RIMBP2: variants seen among roughly 807,000 people sequenced by gnomAD.
RIMBP2 encodes RIMS-binding protein 2.
RIMBP2 carries 48 observed loss-of-function variants against 118.6 expected under a neutral mutation model. The observed-to-expected ratio is 0.40, with a 90% CI of 0.32 to 0.51. The LOEUF is 0.51. Among genes scored for constraint, RIMBP2 ranks in the 20% least tolerant of loss-of-function variants. The pLI is 0.41. For synonymous variants in RIMBP2, 762 were observed against 742.9 expected (o/e 1.03, Z -0.42); for missense variants, 1,551 against 1,768.3 (o/e 0.88, Z 2.20).
At chr12:130,659,858 C>T (rs1288680436) in intron 1 of RIMBP2, among the ~76,000 whole-genome samples, 2 of 151,458 alleles carry the variant, frequency 1.3e-5, no homozygotes, top group South Asian at 2.1e-4. Context: ...CCTGTAATTC[C>T]AGCTACTTGG....
chr12:130,440,140 C>A (rs1398480860), intron 11 of RIMBP2, among the ~76,000 whole-genome samples: 2 of 115,296 alleles, frequency 1.7e-5, no homozygotes, highest in Non-Finnish European at 3.6e-5. Context: ...GCACCACCGT[C>A]CCCGGGCATG....
chr12:130,424,278 G>A lies in RIMBP2; in HGVS notation c.2993C>T (p.Pro998Leu), dbSNP rs1392775385. Reference protein sequence around the residue: ...DPQPGPERPPPRKHGWGEPTE... With the variant: ...DPQPGPERPPLRKHGWGEPTE... ...GGGCTCGCCCCAGCCGTGCTTCCTG[G>A]GGGGCGGCCTCTCCGGGCCGGGCTG... Residue 998 changes from proline to leucine, a missense_variant, in exon 16 of 23, where the codon CCC becomes CTC. Coordinates refer to ENST00000690449, the MANE Select transcript of RIMBP2 (RefSeq NM_001393629.1). The surrounding 1 kb of genome is among the most constrained non-coding windows in gnomAD (Gnocchi z 9.8). 43 of 1,231,734 alleles carry A rather than the reference G, an allele frequency of 3.5e-5. No individual in the cohort carries two copies. Among genetic ancestry groups the A allele is most frequent in the Non-Finnish European group, 4.2e-5 (41 of 987,898 alleles). The allele number at this position is 1,231,734 out of a possible 1,614,324, so 76.3% of individuals were successfully genotyped here.
intron 4 of RIMBP2, among the ~76,000 whole-genome samples, chr12:130,483,872 T>A (rs1291998974): frequency 6.7e-6 from 1 of 148,450 alleles, no homozygotes; most frequent in Non-Finnish European, 1.5e-5. Flanking sequence ...CACCCTCACC[T>A]ACACACAGTG....
chr12:130,407,733 T>G lies in RIMBP2; in HGVS notation c.3686A>C (p.Asp1229Ala). The change falls in exon 20 of 23, where the codon GAT becomes GCT. Residue 1229 changes from aspartate (D) to alanine (A), a missense_variant. This residue lies in a region of RIMBP2 where 1,038 missense variants were observed against 1,125.1 expected (regional missense o/e 0.92). Transcript: ENST00000690449. Reference protein sequence around the residue: ...YDPRESSPNVDVEAELTFCTG... With the variant: ...YDPRESSPNVAVEAELTFCTG... Reference sequence around the variant, plus strand: ...GCAGTGTTTGGCTGGTACCTCGACATCGACGTTGGGCGAGCTTTCTCTGGG... The same window carrying G: ...GCAGTGTTTGGCTGGTACCTCGACAGCGACGTTGGGCGAGCTTTCTCTGGG... The G allele has an allele frequency of 6.2e-7, 1 of 1,613,686 alleles. No homozygotes were observed. Among genetic ancestry groups the G allele is most frequent in the South Asian group, 1.1e-5 (1 of 91,058 alleles).
Position 130,456,291 on chromosome 12 carries a change from C to T in RIMBP2, c.358+205G>A, listed in dbSNP as rs150596329. Among the ~76,000 whole-genome samples the T allele has an allele frequency of 3.6e-3, 545 of 152,300 alleles. 5 individuals are homozygous for T. The highest frequency in any genetic ancestry group is 0.012 in the African/African-American group (499 of 41,572). Reference sequence around the variant, plus strand: ...CAGGTGAGAAAATGTGTGGGTCCCACATTTGTGGATGCCCGTGAGGTGCTG... The same window carrying T: ...CAGGTGAGAAAATGTGTGGGTCCCATATTTGTGGATGCCCGTGAGGTGCTG... On this transcript the variant is annotated intron_variant, in intron 7 of 22. Transcript: ENST00000690449.
chr12:130,632,148 C>A (rs2062030909), intron 1 of RIMBP2, among the ~76,000 whole-genome samples: 1 of 152,202 alleles, frequency 6.6e-6, no homozygotes, highest in Non-Finnish European at 1.5e-5. Flanking sequence ...CGTTTCTAAC[C>A]AGATCAGATG....
intron 4 of RIMBP2, among the ~76,000 whole-genome samples, chr12:130,484,692 GC>G (rs2082333520): frequency 6.6e-6 from 1 of 152,204 alleles, no homozygotes; most frequent in Non-Finnish European, 1.5e-5. Flanking sequence ...AGCCACATGG[GC>G]CTCCTCCCAG....
intron 1 of RIMBP2, among the ~76,000 whole-genome samples, chr12:130,642,233 C>T (rs1008260818): frequency 6.6e-6 from 1 of 152,164 alleles, no homozygotes; most frequent in African/African-American, 2.4e-5. Context: ...CCCCACACTC[C>T]AGGGAGAGGC....
chr12:130,708,625 G>T (rs573186588), intron 1 of RIMBP2, among the ~76,000 whole-genome samples: 2 of 152,290 alleles, frequency 1.3e-5, no homozygotes, highest in Middle Eastern at 3.4e-3. Context: ...GGTCGAGGCT[G>T]CAGTGAACCG....
At chr12:130,501,390 T>C (rs1165299648) in intron 4 of RIMBP2, among the ~76,000 whole-genome samples, 2 of 152,180 alleles carry the variant, frequency 1.3e-5, no homozygotes, top group Non-Finnish European at 2.9e-5. Context: ...GATTGAAAAC[T>C]ATGCCACAGT....
intron 15 of RIMBP2, chr12:130,427,873 GA>G (rs2076897030): frequency 1.5e-5 from 4 of 263,304 alleles, no homozygotes; most frequent in Non-Finnish European, 2.8e-5. Flanking sequence ...TAAGGCTGTG[GA>G]GGGGGTTCTT....
chr12:130,619,501 T>C (rs2061166763), intron 2 of RIMBP2, among the ~76,000 whole-genome samples: 1 of 152,234 alleles, frequency 6.6e-6, no homozygotes, highest in South Asian at 2.1e-4. Context: ...AGATGCTGCA[T>C]GTGAGTCACC....
intron 1 of RIMBP2, among the ~76,000 whole-genome samples, chr12:130,667,060 GGAAGAAGGGAGGGAGGAAA>G (rs2063961528): frequency 1.5e-5 from 1 of 66,496 alleles, no homozygotes; most frequent in Non-Finnish European, 3.6e-5. Context: ...AGGGAGAAAA[GGAAGAAGGGAGGGAGGAAA>G]AAATGAGGGA....
chr12:130,424,915 G>C lies in RIMBP2; in HGVS notation c.2413-57C>G. On this transcript the variant is annotated intron_variant, in intron 15 of 22. Coordinates refer to ENST00000690449, the MANE Select transcript of RIMBP2 (RefSeq NM_001393629.1). The surrounding 1 kb of genome is among the most constrained non-coding windows in gnomAD (Gnocchi z 9.8). ...GGAAAGAGTGTGTGGTCAGCATGAAGTGGGGGCCAGGGGAGGAAAGAAAAT... is the reference window on the plus strand; with the variant it reads ...GGAAAGAGTGTGTGGTCAGCATGAACTGGGGGCCAGGGGAGGAAAGAAAAT... 1 of 1,052,628 alleles carries C rather than the reference G, an allele frequency of 9.5e-7. No individual in the cohort carries two copies. The highest frequency in any genetic ancestry group is 1.2e-6 in the Non-Finnish European group (1 of 824,360). The allele number at this position is 1,052,628 out of a possible 1,614,324, so 65.2% of individuals were successfully genotyped here.
At chr12:130,673,089 A>C (rs1470369694) in intron 1 of RIMBP2, among the ~76,000 whole-genome samples, 1 of 152,222 alleles carries the variant, frequency 6.6e-6, no homozygotes, top group Non-Finnish European at 1.5e-5. Context: ...TCGAGGATGG[A>C]AGAATCACCA....
At chr12:130,639,487 C>CAAAAAAA (rs138670754) in intron 1 of RIMBP2, among the ~76,000 whole-genome samples, 12 of 88,060 alleles carry the variant, frequency 1.4e-4, no homozygotes, top group African/African-American at 4.4e-4. Flanking sequence ...GATCCTGCCT[C>CAAAAAAA]AAAAAAAAAA....
At chr12:130,502,406 C>G (rs1230041561) in intron 4 of RIMBP2, among the ~76,000 whole-genome samples, 1 of 152,076 alleles carries the variant, frequency 6.6e-6, no homozygotes, top group Non-Finnish European at 1.5e-5. Context: ...TATTCCCAAT[C>G]CGGGTTTCAT....
chr12:130,590,676 T>C (rs2059199980), intron 2 of RIMBP2, among the ~76,000 whole-genome samples: 2 of 152,310 alleles, frequency 1.3e-5, no homozygotes, highest in East Asian at 1.9e-4. Flanking sequence ...ACAAAACTTG[T>C]TTCTTTTGGA....
At chr12:130,476,935 G>A (rs1008652700) in intron 5 of RIMBP2, among the ~76,000 whole-genome samples, 2 of 152,158 alleles carry the variant, frequency 1.3e-5, no homozygotes, top group African/African-American at 2.4e-5. Flanking sequence ...GCAGTGCAAC[G>A]ACCACCCACG....
Sources: gnomAD v4.1 joint callset for allele counts (sites outside exome capture counted in the v4.1 genomes callset) on GRCh38, gnomAD v4.1.1 for gene constraint, gnomAD v4.1.1 regional missense constraint, Gnocchi (gnomAD v3.1) non-coding constraint, MANE v1.5 for transcripts, NCBI Gene and HGNC (gene_info 2026-07-23, HGNC 2026-07-21) for gene names.